Variants in FBXW4 observed in about 807,000 individuals in gnomAD.
FBXW4 encodes F-box and WD repeat domain containing 4, also known as F-box/WD repeat-containing protein 4.
Under a neutral mutation model 61.8 loss-of-function variants are expected in FBXW4, and 40 were observed. The observed-to-expected ratio is 0.65, with a 90% CI of 0.50 to 0.84. The LOEUF (loss-of-function observed/expected upper bound fraction) is 0.84. Ranked by LOEUF, FBXW4 falls within the 40% of genes least tolerant of loss-of-function variation. The probability of loss-of-function intolerance (pLI) is 0.00; values close to 1 mark genes in which losing one functional copy is unlikely to be tolerated. For missense variants in FBXW4, 672 were observed against 753.8 expected (o/e 0.89, Z 1.27); for synonymous variants, 311 against 313.8 (o/e 0.99, Z 0.10).
chr10:101,613,727 G>A (rs1424948997), intron 6 of FBXW4, among the ~76,000 whole-genome samples: 1 of 152,210 alleles, frequency 6.6e-6, no homozygotes, highest in Non-Finnish European at 1.5e-5. Context: ...GGAATCAAAG[G>A]AGGAGACTGG....
chr10:101,666,924 T>C (rs4081695), intron 5 of FBXW4, among the ~76,000 whole-genome samples: 151,284 of 151,790 alleles, frequency 1, 75,392 homozygotes, highest in East Asian at 1. Context: ...AAAAAAAGAA[T>C]GAAAAAAAAA....
At chr10:101,630,272 G>C (rs1170225687) in intron 5 of FBXW4, among the ~76,000 whole-genome samples, 1 of 152,170 alleles carries the variant, frequency 6.6e-6, no homozygotes. Context: ...AGGCTCCAGT[G>C]CTCCTAATTG....
intron 5 of FBXW4, among the ~76,000 whole-genome samples, chr10:101,627,113 T>G (rs2063913535): frequency 6.7e-6 from 1 of 149,116 alleles, no homozygotes; most frequent in South Asian, 2.2e-4. Flanking sequence ...GGTCTTGAGC[T>G]CCTGGGCTCA....
At chr10:101,627,389 G>A (rs2063915963) in intron 5 of FBXW4, among the ~76,000 whole-genome samples, 1 of 152,106 alleles carries the variant, frequency 6.6e-6, no homozygotes, top group Non-Finnish European at 1.5e-5. Context: ...CAATAGTCAA[G>A]CAGATTTTGA....
At chr10:101,612,775 G>C (rs1165951402) in intron 6 of FBXW4, among the ~76,000 whole-genome samples, 8 of 151,472 alleles carry the variant, frequency 5.3e-5, no homozygotes, top group Admixed American at 4.6e-4. Flanking sequence ...GACAATGAAT[G>C]GGGGGGCTTG....
chr10:101,616,322 G>A (rs200162519), intron 6 of FBXW4, among the ~76,000 whole-genome samples: 4 of 152,284 alleles, frequency 2.6e-5, no homozygotes, highest in South Asian at 2.1e-4. Flanking sequence ...TCCTTCAGTC[G>A]AGCATCTTCT....
intron 5 of FBXW4, chr10:101,625,104 G>A (rs12267059): frequency 0.012 from 5,078 of 424,248 alleles, 220 homozygotes; most frequent in African/African-American, 0.086. Flanking sequence ...ATCTCTAGAC[G>A]TGACAAGTTT....
At chr10:101,686,142 C>T (rs1309501186) in intron 1 of FBXW4, among the ~76,000 whole-genome samples, 2 of 152,148 alleles carry the variant, frequency 1.3e-5, no homozygotes, top group East Asian at 3.8e-4. Context: ...CATCCTTTTC[C>T]TCCTGGCATT....
At chr10:101,635,930 G>T (rs1271603965) in intron 5 of FBXW4, among the ~76,000 whole-genome samples, 2 of 152,062 alleles carry the variant, frequency 1.3e-5, no homozygotes, top group African/African-American at 2.4e-5. Context: ...GGGGCGGGCG[G>T]AGGGAAGAGC....
intron 5 of FBXW4, among the ~76,000 whole-genome samples, chr10:101,661,723 G>C (rs1265283546): frequency 1.3e-5 from 2 of 152,030 alleles, no homozygotes; most frequent in African/African-American, 4.8e-5. Flanking sequence ...TTTCGCAAAG[G>C]GGGACACCAA....
chr10:101,633,631 A>T (rs1216750724), intron 5 of FBXW4, among the ~76,000 whole-genome samples: 5 of 152,230 alleles, frequency 3.3e-5, no homozygotes, highest in Non-Finnish European at 5.9e-5. Flanking sequence ...TGCTTAGAAC[A>T]GTATATACAC....
intron 4 of FBXW4, 73 bp from the exon 5 acceptor site, chr10:101,668,053 G>T: frequency 8.7e-7 from 1 of 1,149,898 alleles, no homozygotes; most frequent in Non-Finnish European, 1.3e-6. Flanking sequence ...CTCCGGGAGA[G>T]GTGACTGTTG....
At chr10:101,648,729 T>C (rs1200351897) in intron 5 of FBXW4, among the ~76,000 whole-genome samples, 1 of 152,190 alleles carries the variant, frequency 6.6e-6, no homozygotes, top group African/African-American at 2.4e-5. Context: ...ACCTTTACCC[T>C]GTGTCTGCAT....
At chr10:101,662,806 G>C (rs970574091) in intron 5 of FBXW4, among the ~76,000 whole-genome samples, 2 of 152,110 alleles carry the variant, frequency 1.3e-5, no homozygotes, top group Non-Finnish European at 2.9e-5. Context: ...GCCCCCCATG[G>C]GTGGCTTGGA....
chr10:101,652,385 A>G (rs1328373921), intron 5 of FBXW4, among the ~76,000 whole-genome samples: 1 of 152,132 alleles, frequency 6.6e-6, no homozygotes, highest in Non-Finnish European at 1.5e-5. Context: ...GGATACCAGT[A>G]CACATGGAGG....
At chr10:101,634,649 A>G (rs2063985731) in intron 5 of FBXW4, among the ~76,000 whole-genome samples, 1 of 148,938 alleles carries the variant, frequency 6.7e-6, no homozygotes, top group Non-Finnish European at 1.5e-5. Flanking sequence ...GTAAAGAATG[A>G]ACTAATCAAT....
intron 5 of FBXW4, among the ~76,000 whole-genome samples, chr10:101,652,394 G>A (rs986883744): frequency 6.6e-6 from 1 of 152,046 alleles, no homozygotes; most frequent in African/African-American, 2.4e-5. Context: ...TACACATGGA[G>A]GAACAACTGG....
Position 101,684,496 on chromosome 10 carries a change from C to T in FBXW4, c.726-8060G>A, listed in dbSNP as rs574882721. ...TGTTGGCCAGGCTGGTCTTGAACTT[C>T]TGACCTCAAATGATCCACCTGCCTC... On this transcript the variant is annotated intron_variant, in intron 1 of 8. Coordinates refer to ENST00000331272, the MANE Select transcript of FBXW4 (RefSeq NM_022039.4). Among the ~76,000 whole-genome samples, 325 of 152,228 alleles carry T rather than the reference C, an allele frequency of 2.1e-3. 1 individual carries two copies. The highest frequency in any genetic ancestry group is 3.4e-3 in the Middle Eastern group (1 of 294).
At chr10:101,645,950 T>G (rs1252363223) in intron 5 of FBXW4, among the ~76,000 whole-genome samples, 15 of 152,182 alleles carry the variant, frequency 9.9e-5, no homozygotes, top group Non-Finnish European at 1.3e-4. Context: ...GGTCTCAGTT[T>G]CCTTTTGTAA....
Sources: allele counts gnomAD v4.1 joint callset (sites outside exome capture counted in the v4.1 genomes callset), GRCh38; gene constraint gnomAD v4.1.1; transcripts MANE v1.5; gene names NCBI Gene and HGNC (gene_info 2026-07-23, HGNC 2026-07-21).